Variants in CNTN3 observed in about 807,000 individuals in gnomAD.
CNTN3 encodes the protein contactin-3.
Under a neutral mutation model 119.1 loss-of-function variants are expected in CNTN3, and 60 were observed. That is an observed-to-expected ratio of 0.50 (90% CI 0.41 to 0.62). The LOEUF is 0.62. Ranked by LOEUF, CNTN3 falls within the 20% of genes least tolerant of loss-of-function variation. CNTN3 has a pLI of 0.00. For missense variants in CNTN3, 1,101 were observed against 1,242.4 expected, an observed-to-expected ratio of 0.89 and a Z score of 1.71; for synonymous variants, 450 against 438.7, an observed-to-expected ratio of 1.03 and a Z score of -0.32.
intron 11 of CNTN3, among the ~76,000 whole-genome samples, chr3:74,337,088 C>A (rs1703412851): frequency 6.6e-6 from 1 of 152,058 alleles, no homozygotes. Context: ...ATATGAGAAA[C>A]GAGAAGCTGC....
intron 1 of CNTN3, among the ~76,000 whole-genome samples, chr3:74,534,581 A>C (rs1295630888): frequency 6.6e-6 from 1 of 152,060 alleles, no homozygotes; most frequent in Non-Finnish European, 1.5e-5. Flanking sequence ...TAAACAAATG[A>C]AGTAGAATAG....
chr3:74,302,876 G>T, intron 13 of CNTN3, 69 bp from the exon 14 acceptor site: 2 of 985,604 alleles, frequency 2.0e-6, no homozygotes, highest in Non-Finnish European at 3.1e-6. Flanking sequence ...TGAAGTCTAT[G>T]GCCAAAAACA....
In CNTN3 at chr3:74,521,223, A is replaced by T. The variant is rs1393390925; in HGVS notation, c.-80-31T>A. ...AAATATATGTACAAAGAAGTTCGTT[A>T]AAAAAAAAAAAAAAAGCTGCTTTAA... On this transcript the variant is annotated intron_variant, in intron 1 of 22. Transcript: ENST00000263665. 58 of 104,342 alleles carry T rather than the reference A, an allele frequency of 5.6e-4. 1 individual carries two copies. The highest frequency in any genetic ancestry group is 2.6e-3 in the South Asian group (10 of 3,776). The allele number at this position is 104,342 out of a possible 1,614,324, so 6.5% of individuals were successfully genotyped here. A position where few individuals can be genotyped will look rare whatever the true frequency, so the allele number is the denominator to read the frequency against.
chr3:74,368,387 T>C lies in CNTN3; in HGVS notation c.946+802A>G, dbSNP rs113727968. 6.8e-3 allele frequency among the ~76,000 whole-genome samples: 1,041 copies of C among 152,118 alleles called. 9 individuals carry two copies. The highest frequency in any genetic ancestry group is 0.024 in the African/African-American group (999 of 41,522). On this transcript the variant is annotated intron_variant, in intron 8 of 22. Coordinates refer to ENST00000263665, the MANE Select transcript of CNTN3 (RefSeq NM_020872.3). ...TAATGCAATTTACCTTTGACAAGAG[T>C]GGTCAATTCCCACTAGTTTTGCGAT...
chr3:74,391,074 G>A (rs1444065376), intron 5 of CNTN3, among the ~76,000 whole-genome samples: 1 of 152,102 alleles, frequency 6.6e-6, no homozygotes, highest in African/African-American at 2.4e-5. Context: ...AATAACTTTG[G>A]ATTTGGCAGC....
In CNTN3 at chr3:74,482,855, G is replaced by A. The variant is rs76495017; in HGVS notation, c.358+3601C>T. Among the ~76,000 whole-genome samples the A allele has an allele frequency of 8.1e-3, 1,232 of 152,154 alleles. 15 individuals carry two copies. The highest frequency in any genetic ancestry group is 0.027 in the African/African-American group (1,133 of 41,534). ...ATTCTAATCCCTTCTTTCAGTTAGC[G>A]TATAACTTTTTCTTCAAGGCTATGA... On this transcript the variant is annotated intron_variant, in intron 4 of 22. Coordinates refer to ENST00000263665, the MANE Select transcript of CNTN3 (RefSeq NM_020872.3).
rs571683229 is a variant in CNTN3, at chr3:74,568,720, C to T, written c.-81+45671G>A. On this transcript the variant is annotated intron_variant, in intron 1 of 22. Coordinates refer to ENST00000263665, the MANE Select transcript of CNTN3 (RefSeq NM_020872.3). ...ACTAAAGTTCTGTTCTCCAACCTGG[C>T]TTCTACCAGTAATACATAGGTGATA... is the stretch of plus-strand genomic sequence containing the variant. Among the ~76,000 whole-genome samples the T allele has an allele frequency of 5.3e-5, 8 of 152,330 alleles. No homozygotes were observed. The East Asian group carries it at 1.5e-3, about 29-fold the overall frequency.
chr3:74,483,083 TA>T (rs1702791548), intron 4 of CNTN3, among the ~76,000 whole-genome samples: 1 of 151,832 alleles, frequency 6.6e-6, no homozygotes, highest in South Asian at 2.1e-4. Context: ...AACTTCCAAA[TA>T]AAACACTTAG....
At chr3:74,537,559 C>T (rs1348070316) in intron 1 of CNTN3, among the ~76,000 whole-genome samples, 5 of 152,158 alleles carry the variant, frequency 3.3e-5, no homozygotes, top group African/African-American at 7.2e-5. Flanking sequence ...ATCTTTGCCT[C>T]GGTTGTTGTT....
At chr3:74,522,911 T>C (rs75620332) in intron 1 of CNTN3, among the ~76,000 whole-genome samples, 6,575 of 151,852 alleles carry the variant, frequency 0.043, 155 homozygotes, top group South Asian at 0.066. Flanking sequence ...ACAGGCTTTT[T>C]GAAGTTATTT....
At position 74,495,399 on chromosome 3, in the gene CNTN3, T is replaced by C. The variant is rs1331403237; in HGVS notation, c.182+4260A>G. On this transcript the variant is annotated intron_variant, in intron 3 of 22. Transcript: ENST00000263665. ...TGCTATATTATGATAGACTAGCATA[T>C]AGCACATATACTATATATGTACTAT... Among the ~76,000 whole-genome samples, 4 of 152,008 alleles carry C rather than the reference T, an allele frequency of 2.6e-5. No individual in the cohort carries two copies. The South Asian group carries it at 6.2e-4, about 24-fold the overall frequency.
chr3:74,440,114 G>A (rs1415091135), intron 4 of CNTN3, among the ~76,000 whole-genome samples: 2 of 152,086 alleles, frequency 1.3e-5, no homozygotes, highest in African/African-American at 2.4e-5. Context: ...CTATGTTCCT[G>A]TAAGTTTTTT....
intron 5 of CNTN3, among the ~76,000 whole-genome samples, chr3:74,383,670 A>G (rs1344629915): frequency 6.6e-6 from 1 of 152,058 alleles, no homozygotes; most frequent in Non-Finnish European, 1.5e-5. Flanking sequence ...TTTTCTGTAG[A>G]GACAGCGTCT....
chr3:74,379,345 G>A lies in CNTN3; in HGVS notation c.455-7946C>T, dbSNP rs887923878. Among the ~76,000 whole-genome samples, 9 of 152,130 alleles carry A rather than the reference G, an allele frequency of 5.9e-5. No homozygotes were observed. The East Asian group carries it at 1.2e-3, about 20-fold the overall frequency. ...TAATTTTTGTATTTTTAGTAGAGAC[G>A]GGGTTTCGCCATGTTGGTCAGGCTG... On this transcript the variant is annotated intron_variant, in intron 5 of 22. Coordinates refer to ENST00000263665, the MANE Select transcript of CNTN3 (RefSeq NM_020872.3).
At chr3:74,369,013 A>T (rs1044361956) in intron 8 of CNTN3, among the ~76,000 whole-genome samples, 176 bp downstream of exon 8, 1 of 152,130 alleles carries the variant, frequency 6.6e-6, no homozygotes, top group Non-Finnish European at 1.5e-5. Flanking sequence ...CATTACAAAA[A>T]TTTATTTCTT....
intron 13 of CNTN3, among the ~76,000 whole-genome samples, chr3:74,306,568 T>C (rs1702567452): frequency 6.6e-6 from 1 of 152,134 alleles, no homozygotes; most frequent in African/African-American, 2.4e-5. Context: ...TCTCCTCATA[T>C]CTCTATTTTG....
chr3:74,584,878 T>C (rs754824755), intron 1 of CNTN3, among the ~76,000 whole-genome samples: 1 of 152,140 alleles, frequency 6.6e-6, no homozygotes, highest in Non-Finnish European at 1.5e-5. Context: ...TTCGATCTTA[T>C]CATTAACAAC....
At chr3:74,467,092 CA>C (rs942280145) in intron 4 of CNTN3, among the ~76,000 whole-genome samples, 1 of 151,332 alleles carries the variant, frequency 6.6e-6, no homozygotes, top group Non-Finnish European at 1.5e-5. Context: ...TAATTTTTTT[CA>C]AAAAAGATAC....
chr3:74,483,779 TC>T (rs1702803986), intron 4 of CNTN3, among the ~76,000 whole-genome samples: 2 of 152,042 alleles, frequency 1.3e-5, no homozygotes, highest in African/African-American at 4.8e-5. Context: ...TCTTCCAGCC[TC>T]CATGAAACAG....
Sources: allele counts gnomAD v4.1 joint callset (sites outside exome capture counted in the v4.1 genomes callset), GRCh38; gene constraint gnomAD v4.1.1; transcripts MANE v1.5; gene names NCBI Gene and HGNC (gene_info 2026-07-23, HGNC 2026-07-21).